RALGPS1: variants seen among roughly 807,000 people sequenced by gnomAD.
RALGPS1 encodes the protein Ral GEF with PH domain and SH3 binding motif 1.
RALGPS1 carries 19 observed loss-of-function variants against 78.8 expected under a neutral mutation model. The ratio of observed to expected loss-of-function variants is 0.24; its 90% CI spans 0.17 to 0.35. The LOEUF is 0.35. Ranked by LOEUF, RALGPS1 falls within the 10% of genes least tolerant of loss-of-function variation. The pLI, the probability that RALGPS1 is intolerant of heterozygous loss-of-function variation, is 1.00. For missense variants in RALGPS1, 454 were observed against 688.3 expected (o/e 0.66, Z 3.81); for synonymous variants, 228 against 256.3 (o/e 0.89, Z 1.06).
chr9:127,146,445 A>AT (rs2058098101), intron 8 of RALGPS1, among the ~76,000 whole-genome samples: 1 of 150,948 alleles, frequency 6.6e-6, no homozygotes, highest in Admixed American at 6.6e-5. Flanking sequence ...ATATATGTAC[A>AT]TTTTCTTTAT....
intron 8 of RALGPS1, among the ~76,000 whole-genome samples, chr9:127,118,478 A>AGTGT (rs2055686160): frequency 6.6e-6 from 1 of 152,226 alleles, no homozygotes; most frequent in East Asian, 1.9e-4. Flanking sequence ...AGATTTCCAC[A>AGTGT]GTGTGGTTGT....
At chr9:126,979,929 T>TG (rs1275702098) in intron 4 of RALGPS1, among the ~76,000 whole-genome samples, 2 of 152,148 alleles carry the variant, frequency 1.3e-5, no homozygotes, top group Non-Finnish European at 2.9e-5. Flanking sequence ...AATCTCTTGA[T>TG]GGGGGTCTGA....
At chr9:127,040,978 GTTAC>G (rs2047240530) in intron 5 of RALGPS1, among the ~76,000 whole-genome samples, 1 of 150,666 alleles carries the variant, frequency 6.6e-6, no homozygotes, top group Admixed American at 6.6e-5. Flanking sequence ...GGACATCTCA[GTTAC>G]TTAGTTACTT....
chr9:127,178,434 G>A lies in RALGPS1; in HGVS notation c.910+3652G>A, dbSNP rs1047055733. ...TAAAATCTTCCTCCTTCACAGGGTAGTGTTGTTATTAGCACAGTGCGCAAC... is the reference window on the plus strand; with the variant it reads ...TAAAATCTTCCTCCTTCACAGGGTAATGTTGTTATTAGCACAGTGCGCAAC... On this transcript the variant is annotated intron_variant, in intron 11 of 18. Coordinates refer to ENST00000259351, the MANE Select transcript of RALGPS1 (RefSeq NM_014636.3). 5 of 1,053,762 alleles carry A rather than the reference G, an allele frequency of 4.7e-6. No homozygotes were observed. In the African/African-American group the frequency reaches 5.0e-5, roughly 10 times the overall value. 65.3% of individuals were successfully genotyped at this position (1,053,762 alleles called of 1,614,324 possible).
chr9:127,194,452 GC>G (rs746746532), intron 11 of RALGPS1, among the ~76,000 whole-genome samples: 6 of 152,156 alleles, frequency 3.9e-5, no homozygotes, highest in African/African-American at 7.2e-5. Context: ...TCACTCTGTT[GC>G]CCAGGCTGGA....
rs1374942341 is a variant in RALGPS1 at position 127,212,146 on chromosome 9, C to T, written c.1263C>T (p.Cys421=). The T allele has an allele frequency of 1.2e-6, 2 of 1,613,282 alleles. No homozygotes were observed. The highest frequency in any genetic ancestry group is 1.7e-6 in the Non-Finnish European group (2 of 1,179,688). The change falls in exon 15 of 19, where the codon TGC becomes TGT. Residue 421 remains cysteine (C), a synonymous_variant. Coordinates refer to ENST00000259351, the MANE Select transcript of RALGPS1 (RefSeq NM_014636.3). This position sits in a 1 kb window ranked among gnomAD's most constrained non-coding sequence, Gnocchi z 6.0. The stretch of plus-strand genomic sequence containing the variant: ...CTCTCCTCAGCCCCACCGGCCCGTG[C>T]ATCTGTTCTCTGGGGAACTCCGCAG... ...SSGLESPTGP[C]ICSLGNSAAV... is the part of the protein sequence containing the mutation.
chr9:127,037,579 G>C (rs754196881), intron 5 of RALGPS1, among the ~76,000 whole-genome samples: 3 of 152,206 alleles, frequency 2.0e-5, no homozygotes, highest in Non-Finnish European at 4.4e-5. Flanking sequence ...AGGCAGTGGG[G>C]ACAGTACCAT....
At chr9:127,099,088 T>C (rs2053463325) in intron 8 of RALGPS1, among the ~76,000 whole-genome samples, 1 of 152,202 alleles carries the variant, frequency 6.6e-6, no homozygotes, top group African/African-American at 2.4e-5. Context: ...AGCAGAGTCC[T>C]TCCTGCCCAC....
intron 8 of RALGPS1, among the ~76,000 whole-genome samples, chr9:127,123,946 GTGA>G (rs1419803864): frequency 6.6e-6 from 1 of 152,136 alleles, no homozygotes; most frequent in Non-Finnish European, 1.5e-5. Context: ...AAAGGTGTTA[GTGA>G]TGATGGTGGT....
At chr9:126,955,131 C>G (rs2131887262) in intron 1 of RALGPS1, among the ~76,000 whole-genome samples, 1 of 152,344 alleles carries the variant, frequency 6.6e-6, no homozygotes, top group South Asian at 2.1e-4. Flanking sequence ...CAAATATCAT[C>G]TTTCACCCTA....
rs774542835 is a variant in RALGPS1 at position 127,033,604 on chromosome 9, G to T, written c.217-827G>T. Among the ~76,000 whole-genome samples the T allele has an allele frequency of 4.9e-4, 74 of 152,216 alleles. 1 individual carries two copies. Among genetic ancestry groups the T allele is most frequent in the Admixed American group, 9.8e-4 (15 of 15,286 alleles). On this transcript the variant is annotated intron_variant, in intron 4 of 18. Transcript: ENST00000259351. ...TTATAGGTGGAGAATTTCAGAATTTGCAACCTTTGCTACCTTTCCTCTAGT... is the reference window on the plus strand; with the variant it reads ...TTATAGGTGGAGAATTTCAGAATTTTCAACCTTTGCTACCTTTCCTCTAGT...
At chr9:126,954,301 G>GT (rs2038141149) in intron 1 of RALGPS1, among the ~76,000 whole-genome samples, 1 of 152,286 alleles carries the variant, frequency 6.6e-6, no homozygotes, top group East Asian at 1.9e-4. Flanking sequence ...CAGTCCATCA[G>GT]TAAGTCTTGT....
intron 8 of RALGPS1, among the ~76,000 whole-genome samples, chr9:127,160,561 G>A (rs139715949): frequency 2.0e-3 from 300 of 152,290 alleles, no homozygotes; most frequent in Admixed American, 3.9e-3. Flanking sequence ...TCTCAGAGGA[G>A]GTCCAGTCTG....
chr9:127,141,675 A>T (rs1366335897), intron 8 of RALGPS1, among the ~76,000 whole-genome samples: 3 of 151,810 alleles, frequency 2.0e-5, no homozygotes, highest in Non-Finnish European at 4.4e-5. Context: ...TTTCCTGGAG[A>T]AAGAAACATT....
intron 11 of RALGPS1, chr9:127,178,183 A>G (rs2059993715): frequency 4.1e-6 from 2 of 485,650 alleles, no homozygotes; most frequent in Non-Finnish European, 6.9e-6. Flanking sequence ...GAGCAGAGAA[A>G]AATCCCTGGC....
intron 8 of RALGPS1, among the ~76,000 whole-genome samples, chr9:127,159,643 AC>A (rs2058906885): frequency 6.6e-6 from 1 of 152,180 alleles, no homozygotes; most frequent in Non-Finnish European, 1.5e-5. Context: ...GCTAGTTAAT[AC>A]TCACAGTCTT....
rs556610063 is a variant in RALGPS1, at chr9:127,062,160, C to T, written c.484-7070C>T. The stretch of plus-strand genomic sequence containing the variant: ...TCACCCAGGCTGGAGTGCAGTGGCG[C>T]GATCTTGACTCACTGCAAGCTCCGC... On this transcript the variant is annotated intron_variant, in intron 7 of 18. Transcript: ENST00000259351. Among the ~76,000 whole-genome samples, 327 of 152,144 alleles carry T rather than the reference C, an allele frequency of 2.1e-3. 1 individual carries two copies. The highest frequency in any genetic ancestry group is 7.1e-3 in the African/African-American group (294 of 41,504).
intron 5 of RALGPS1, among the ~76,000 whole-genome samples, chr9:127,038,561 G>A (rs921726791): frequency 5.9e-5 from 9 of 152,044 alleles, no homozygotes; most frequent in South Asian, 2.1e-4. Flanking sequence ...TTTATATGAC[G>A]CTCATCACTC....
chr9:127,153,148 G>T (rs149485486), intron 8 of RALGPS1, among the ~76,000 whole-genome samples: 407 of 152,300 alleles, frequency 2.7e-3, no homozygotes, highest in African/African-American at 9.2e-3. Flanking sequence ...CAGTCAAACT[G>T]TCTGGGCTGG....
Sources: gnomAD v4.1 joint callset for allele counts (sites outside exome capture counted in the v4.1 genomes callset) on GRCh38, gnomAD v4.1.1 for gene constraint, Gnocchi (gnomAD v3.1) non-coding constraint, MANE v1.5 for transcripts, NCBI Gene and HGNC (gene_info 2026-07-23, HGNC 2026-07-21) for gene names.